The following EEPD1 variants were observed in gnomAD, a reference collection of about 807,000 sequenced individuals.
The protein encoded by EEPD1 is endonuclease/exonuclease/phosphatase family domain-containing protein 1.
A neutral mutation model predicts 46.3 loss-of-function variants in EEPD1; 17 were observed. The observed-to-expected ratio is 0.37, with a 90% CI of 0.25 to 0.55. The LOEUF is 0.55. Among genes scored for constraint, EEPD1 ranks in the 20% least tolerant of loss-of-function variants. The pLI is 0.83. For missense variants in EEPD1, 673 were observed against 745.6 expected (o/e 0.90, Z 1.13); for synonymous variants, 313 against 315.6 (o/e 0.99, Z 0.09).
At chr7:36,248,211 T>G (rs1425216911) in intron 3 of EEPD1, among the ~76,000 whole-genome samples, 1 of 147,040 alleles carries the variant, frequency 6.8e-6, no homozygotes, top group Non-Finnish European at 1.5e-5. Flanking sequence ...TTAAGATACT[T>G]TTTTTTTTTT....
At chr7:36,194,991 G>A (rs77378488) in intron 2 of EEPD1, among the ~76,000 whole-genome samples, 1,669 of 152,268 alleles carry the variant, frequency 0.011, 15 homozygotes, top group Non-Finnish European at 0.018. Context: ...GCCCCAGACA[G>A]AGCTCCAATT....
chr7:36,267,658 A>G (rs968035398), intron 3 of EEPD1, among the ~76,000 whole-genome samples: 1 of 152,156 alleles, frequency 6.6e-6, no homozygotes, highest in African/African-American at 2.4e-5. Context: ...TTTTACATGC[A>G]GGTGATTACT....
At chr7:36,246,430 G>A (rs1786641900) in intron 3 of EEPD1, among the ~76,000 whole-genome samples, 1 of 152,204 alleles carries the variant, frequency 6.6e-6, no homozygotes, top group African/African-American at 2.4e-5. Flanking sequence ...AACTAAGTGA[G>A]ATGTGTGAAA....
At chr7:36,291,916 T>A (rs528978139) in intron 6 of EEPD1, among the ~76,000 whole-genome samples, 20 of 152,366 alleles carry the variant, frequency 1.3e-4, no homozygotes, top group African/African-American at 4.3e-4. Flanking sequence ...TTTCAGGATT[T>A]CTACTCGCTT....
intron 3 of EEPD1, among the ~76,000 whole-genome samples, chr7:36,264,042 G>A (rs970480551): frequency 1.3e-5 from 2 of 152,118 alleles, no homozygotes; most frequent in Non-Finnish European, 2.9e-5. Flanking sequence ...ATATGTTTGT[G>A]GGGGAGAGAC....
At chr7:36,167,211 G>A (rs1049500847) in intron 2 of EEPD1, among the ~76,000 whole-genome samples, 7 of 152,146 alleles carry the variant, frequency 4.6e-5, no homozygotes, top group African/African-American at 1.7e-4. Context: ...AAGTACTGGG[G>A]ATTAGGGCTT....
intron 3 of EEPD1, among the ~76,000 whole-genome samples, chr7:36,264,840 ACT>A (rs1554320324): frequency 1.2e-3 from 180 of 151,514 alleles, no homozygotes; most frequent in African/African-American, 4.3e-3. Flanking sequence ...AGAACCAGTG[ACT>A]CTGAGGACAT....
intron 3 of EEPD1, among the ~76,000 whole-genome samples, chr7:36,264,392 C>T (rs1786979624): frequency 6.6e-6 from 1 of 152,194 alleles, no homozygotes; most frequent in Admixed American, 6.5e-5. Flanking sequence ...CTGCATTCGT[C>T]CTCTGTTGAG....
intron 2 of EEPD1, among the ~76,000 whole-genome samples, chr7:36,187,944 C>A (rs1341250720): frequency 6.6e-6 from 1 of 152,260 alleles, no homozygotes; most frequent in Admixed American, 6.5e-5. Context: ...ATTACAGGCA[C>A]GTGCCACCAC....
intron 3 of EEPD1, among the ~76,000 whole-genome samples, chr7:36,239,359 C>T (rs1444818060): frequency 6.6e-6 from 1 of 152,050 alleles, no homozygotes; most frequent in Non-Finnish European, 1.5e-5. Context: ...AGGCCTCACG[C>T]ATGCCGGAGT....
At chr7:36,194,244 C>T (rs1785535423) in intron 2 of EEPD1, among the ~76,000 whole-genome samples, 1 of 152,170 alleles carries the variant, frequency 6.6e-6, no homozygotes, top group Admixed American at 6.5e-5. Context: ...GTGGGAACAG[C>T]TTTAGCTTCA....
chr7:36,173,948 G>C (rs1785133849), intron 2 of EEPD1, among the ~76,000 whole-genome samples: 2 of 152,196 alleles, frequency 1.3e-5, no homozygotes, highest in South Asian at 4.1e-4. Flanking sequence ...ACAGGTCCGT[G>C]TAATCATCCT....
At chr7:36,219,806 A>AGAGAGAGAGAGAGTGTGTGTGTGTGT (rs1341203087) in intron 2 of EEPD1, among the ~76,000 whole-genome samples, 1 of 75,400 alleles carries the variant, frequency 1.3e-5, no homozygotes. Context: ...AGAGAGAGAG[A>AGAGAGAGAGAGAGTGTGTGTGTGTGT]GTGTGTGTGT....
intron 2 of EEPD1, among the ~76,000 whole-genome samples, chr7:36,158,451 T>G (rs192007887): frequency 1.3e-5 from 2 of 152,176 alleles, no homozygotes; most frequent in Non-Finnish European, 2.9e-5. Context: ...CTTTAGTAGG[T>G]GTGTTTTCTT....
chr7:36,187,360 CT>C (rs1247408468), intron 2 of EEPD1, among the ~76,000 whole-genome samples: 6 of 152,186 alleles, frequency 3.9e-5, no homozygotes, highest in Non-Finnish European at 8.8e-5. Context: ...CTCTTTTCAT[CT>C]TTTCAAACTG....
chr7:36,169,309 A>C (rs1202710742), intron 2 of EEPD1, among the ~76,000 whole-genome samples: 1 of 152,162 alleles, frequency 6.6e-6, no homozygotes, highest in Non-Finnish European at 1.5e-5. Flanking sequence ...AGGGACTGCC[A>C]GATTGTTTTC....
intron 2 of EEPD1, among the ~76,000 whole-genome samples, chr7:36,217,457 A>C (rs1786048799): frequency 1.3e-5 from 2 of 152,240 alleles, no homozygotes; most frequent in African/African-American, 2.4e-5. Context: ...GGGTTGGGCC[A>C]GCTTCTTTAC....
chr7:36,167,677 G>A (rs1165370616), intron 2 of EEPD1, among the ~76,000 whole-genome samples: 1 of 152,032 alleles, frequency 6.6e-6, no homozygotes, highest in East Asian at 1.9e-4. Context: ...ACCAATTTCA[G>A]GTAGAGATTT....
At chr7:36,196,690 A>C (rs1425617937) in intron 2 of EEPD1, among the ~76,000 whole-genome samples, 1 of 152,252 alleles carries the variant, frequency 6.6e-6, no homozygotes, top group Non-Finnish European at 1.5e-5. Flanking sequence ...CCGGGATTGC[A>C]GACAGAGTCT....
Sources: gnomAD v4.1 joint callset for allele counts (sites outside exome capture counted in the v4.1 genomes callset) on GRCh38, gnomAD v4.1.1 for gene constraint, MANE v1.5 for transcripts, NCBI Gene and HGNC (gene_info 2026-07-23, HGNC 2026-07-21) for gene names.